Variants in CCDC138 observed in about 807,000 individuals in gnomAD.
The protein encoded by CCDC138 is coiled-coil domain containing 138, also known as coiled-coil domain-containing protein 138.
A neutral mutation model predicts 82.3 loss-of-function variants in CCDC138; 66 were observed. The ratio of observed to expected loss-of-function variants is 0.80; its 90% CI spans 0.66 to 0.98. The LOEUF (loss-of-function observed/expected upper bound fraction) is 0.98. Ranked by LOEUF, CCDC138 falls within the 50% of genes least tolerant of loss-of-function variation. The probability of loss-of-function intolerance (pLI) is 0.00; values close to 1 mark genes in which losing one functional copy is unlikely to be tolerated. For missense variants in CCDC138, 816 were observed against 758.9 expected (o/e 1.08, Z -0.88); for synonymous variants, 297 against 265.4 (o/e 1.12, Z -1.16).
At chr2:108,845,291 ACT>A (rs1690249540) in intron 11 of CCDC138, among the ~76,000 whole-genome samples, 1 of 152,046 alleles carries the variant, frequency 6.6e-6, no homozygotes, top group Non-Finnish European at 1.5e-5. Context: ...GTGTCTGACC[ACT>A]CAACCATTTG....
At chr2:108,798,260 G>T (rs972138080) in intron 5 of CCDC138, 168 bp from the exon 6 acceptor site, 2 of 181,178 alleles carry the variant, frequency 1.1e-5, no homozygotes, top group Non-Finnish European at 2.1e-5. Flanking sequence ...TATAATTTCT[G>T]TGCAAGTTTA....
At chr2:108,874,342 G>A (rs1695706911) in intron 14 of CCDC138, among the ~76,000 whole-genome samples, 1 of 152,022 alleles carries the variant, frequency 6.6e-6, no homozygotes, top group Non-Finnish European at 1.5e-5. Flanking sequence ...CATGGGCTTT[G>A]TTTCCTCATC....
chr2:108,864,292 T>TA (rs1396960300), intron 13 of CCDC138, among the ~76,000 whole-genome samples: 3 of 152,150 alleles, frequency 2.0e-5, no homozygotes, highest in Non-Finnish European at 4.4e-5. Context: ...ATTTATTTAT[T>TA]AAAAAAAGAT....
intron 13 of CCDC138, among the ~76,000 whole-genome samples, chr2:108,863,654 T>G (rs1693967736): frequency 6.6e-6 from 1 of 152,234 alleles, no homozygotes; most frequent in South Asian, 2.1e-4. Context: ...TAACCTTTGT[T>G]TTTAATTATT....
At position 108,786,776 on chromosome 2, in the gene CCDC138, T is replaced by G; in HGVS notation, c.-47T>G. The G allele has an allele frequency of 2.0e-6, 3 of 1,515,548 alleles. No homozygotes were observed. The highest frequency in any genetic ancestry group is 1.2e-5 in the South Asian group (1 of 84,100). The allele number at this position is 1,515,548 out of a possible 1,614,324, so 93.9% of individuals were successfully genotyped here. ...CACTGCGGCCGCGTAGCGCCGCGGG[T>G]TTGATGAACGCGGTTCCCGGGGAGA... is the stretch of plus-strand genomic sequence containing the variant. On this transcript the variant is annotated 5_prime_UTR_variant, in exon 1 of 15. Coordinates refer to ENST00000295124, the MANE Select transcript of CCDC138 (RefSeq NM_144978.3).
chr2:108,863,990 A>G (rs1694019071), intron 13 of CCDC138, among the ~76,000 whole-genome samples: 1 of 152,170 alleles, frequency 6.6e-6, no homozygotes, highest in African/African-American at 2.4e-5. Flanking sequence ...CTTGTTTGAC[A>G]CTGTTAACAG....
chr2:108,876,014 A>G, intron 14 of CCDC138, 74 bp from the exon 15 acceptor site: 1 of 896,148 alleles, frequency 1.1e-6, no homozygotes, highest in African/African-American at 1.7e-5. Flanking sequence ...TTACACATAA[A>G]TTATCTGTCA....
intron 13 of CCDC138, among the ~76,000 whole-genome samples, chr2:108,860,450 T>C (rs1693365684): frequency 6.6e-6 from 1 of 152,094 alleles, no homozygotes. Flanking sequence ...CCCCATTAAA[T>C]ATGATATTGA....
intron 7 of CCDC138, among the ~76,000 whole-genome samples, chr2:108,810,480 ATT>A (rs1683605086): frequency 6.6e-6 from 1 of 152,106 alleles, no homozygotes; most frequent in Non-Finnish European, 1.5e-5. Context: ...TTATTTGCAT[ATT>A]TGAGCCTTCC....
At chr2:108,863,694 T>C in intron 13 of CCDC138, among the ~76,000 whole-genome samples, 1 of 152,302 alleles carries the variant, frequency 6.6e-6, no homozygotes, top group Non-Finnish European at 1.5e-5. Context: ...TTATCATCAT[T>C]ATTTATTAAG....
intron 4 of CCDC138, 129 bp downstream of exon 4, chr2:108,791,931 G>C (rs1260528016): frequency 3.2e-6 from 3 of 930,654 alleles, no homozygotes; most frequent in Middle Eastern, 5.0e-4. Flanking sequence ...ACTTCTGTAA[G>C]CTAGGAGATA....
chr2:108,800,015 A>G (rs1314976206), intron 6 of CCDC138, among the ~76,000 whole-genome samples: 4 of 152,122 alleles, frequency 2.6e-5, no homozygotes, highest in African/African-American at 9.6e-5. Context: ...ATCTATATAT[A>G]TTTACTTTTA....
At chr2:108,829,181 A>G (rs921422813) in intron 10 of CCDC138, among the ~76,000 whole-genome samples, 1 of 152,182 alleles carries the variant, frequency 6.6e-6, no homozygotes, top group Non-Finnish European at 1.5e-5. Flanking sequence ...GCATCAACAG[A>G]TTGAAATGGT....
At chr2:108,833,992 T>C (rs1688163478) in intron 10 of CCDC138, among the ~76,000 whole-genome samples, 2 of 145,796 alleles carry the variant, frequency 1.4e-5, no homozygotes, top group Admixed American at 1.4e-4. Flanking sequence ...ATGATCCGCC[T>C]GCCTCGGCCT....
intron 14 of CCDC138, among the ~76,000 whole-genome samples, chr2:108,873,988 A>G (rs1374313958): frequency 6.6e-6 from 1 of 152,192 alleles, no homozygotes; most frequent in Non-Finnish European, 1.5e-5. Flanking sequence ...CCACATATTT[A>G]GTGACAGACT....
At chr2:108,823,167 C>A (rs1221026914) in intron 10 of CCDC138, among the ~76,000 whole-genome samples, 1 of 152,132 alleles carries the variant, frequency 6.6e-6, no homozygotes, top group African/African-American at 2.4e-5. Context: ...AACCTCCCAA[C>A]AATGAAAAGC....
At chr2:108,788,797 A>G (rs1679402900) in intron 2 of CCDC138, 55 bp from the exon 3 acceptor site, 13 of 1,607,684 alleles carry the variant, frequency 8.1e-6, no homozygotes, top group Non-Finnish European at 1.1e-5. Flanking sequence ...CCAGTGCCAG[A>G]TATTTTGTGA....
downstream of CCDC138, among the ~76,000 whole-genome samples, chr2:108,879,744 A>C (rs763653749): frequency 6.6e-6 from 1 of 152,182 alleles, no homozygotes; most frequent in Non-Finnish European, 1.5e-5. Context: ...CTAAGCCGCT[A>C]TCATTGTTGT....
chr2:108,850,401 CTG>C (rs538972844), intron 12 of CCDC138, among the ~76,000 whole-genome samples: 2 of 152,122 alleles, frequency 1.3e-5, no homozygotes, highest in Non-Finnish European at 2.9e-5. Flanking sequence ...ATTGAATAGA[CTG>C]TTCATATAAG....
Sources: allele counts gnomAD v4.1 joint callset (sites outside exome capture counted in the v4.1 genomes callset), GRCh38; gene constraint gnomAD v4.1.1; transcripts MANE v1.5; gene names NCBI Gene and HGNC (gene_info 2026-07-23, HGNC 2026-07-21).